The following COX7B2 variants were observed in gnomAD, a reference collection of about 807,000 sequenced individuals.
COX7B2 encodes cytochrome c oxidase subunit 7B2.
For missense variants in COX7B2, 109 were observed against 95.9 expected (o/e 1.14, Z -0.57); for synonymous variants, 37 against 32.1 (o/e 1.15, Z -0.51).
chr4:46,864,792 C>T (rs892279633), intron 1 of COX7B2, among the ~76,000 whole-genome samples: 1 of 151,950 alleles, frequency 6.6e-6, no homozygotes, highest in African/African-American at 2.4e-5. Context: ...CTACAGGCGC[C>T]GGCCACCACG....
intron 1 of COX7B2, among the ~76,000 whole-genome samples, chr4:46,851,244 G>A (rs934657772): frequency 1.3e-5 from 2 of 151,946 alleles, no homozygotes; most frequent in African/African-American, 2.4e-5. Flanking sequence ...AACCAGAAAA[G>A]ATAAAGAAAT....
At chr4:46,830,598 T>C (rs1225718097) in intron 2 of COX7B2, among the ~76,000 whole-genome samples, 2 of 152,206 alleles carry the variant, frequency 1.3e-5, no homozygotes, top group Non-Finnish European at 2.9e-5. Flanking sequence ...AAAATACCTT[T>C]AACAGGAAGT....
chr4:46,874,474 C>T (rs1718195648), intron 1 of COX7B2, among the ~76,000 whole-genome samples: 1 of 152,134 alleles, frequency 6.6e-6, no homozygotes, highest in Non-Finnish European at 1.5e-5. Context: ...AAACAAACAA[C>T]AAGCTGAAAC....
intron 1 of COX7B2, among the ~76,000 whole-genome samples, chr4:46,890,248 G>A (rs546710331): frequency 2.5e-4 from 38 of 152,252 alleles, no homozygotes; most frequent in East Asian, 1.9e-3. Context: ...TTTGGCTTCC[G>A]TTCTAGTAGA....
At chr4:46,763,415 G>A (rs1198031577) in intron 2 of COX7B2, among the ~76,000 whole-genome samples, 1 of 151,258 alleles carries the variant, frequency 6.6e-6, no homozygotes, top group African/African-American at 2.4e-5. Context: ...GTTCCTACCA[G>A]TGGTGATCCA....
chr4:46,855,842 G>T (rs1314372156), intron 1 of COX7B2, among the ~76,000 whole-genome samples: 1 of 152,082 alleles, frequency 6.6e-6, no homozygotes. Context: ...GAGCTTCTCT[G>T]GGTCTTGGGG....
intron 1 of COX7B2, among the ~76,000 whole-genome samples, chr4:46,908,912 C>T (rs1010001108): frequency 4.6e-5 from 7 of 151,816 alleles, no homozygotes; most frequent in African/African-American, 1.2e-4. Context: ...GGCGTGGTGG[C>T]GGGCCCCTGT....
chr4:46,759,005 A>T (rs1388056976), intron 2 of COX7B2, among the ~76,000 whole-genome samples: 1 of 152,118 alleles, frequency 6.6e-6, no homozygotes, highest in Non-Finnish European at 1.5e-5. Flanking sequence ...GTGGAACCAC[A>T]AACTGGCCCT....
intron 2 of COX7B2, among the ~76,000 whole-genome samples, chr4:46,765,230 G>C (rs1475185900): frequency 6.6e-6 from 1 of 152,114 alleles, no homozygotes; most frequent in Non-Finnish European, 1.5e-5. Context: ...AATAAGAAAA[G>C]ACGCACTGAA....
chr4:46,837,304 CA>C (rs1715582690), intron 2 of COX7B2, among the ~76,000 whole-genome samples: 1 of 151,294 alleles, frequency 6.6e-6, no homozygotes, highest in South Asian at 2.1e-4. Context: ...CACACACACA[CA>C]CACACACACA....
intron 2 of COX7B2, among the ~76,000 whole-genome samples, chr4:46,774,564 C>T (rs1717053488): frequency 6.6e-6 from 1 of 151,990 alleles, no homozygotes; most frequent in African/African-American, 2.4e-5. Flanking sequence ...GTGTATTCCC[C>T]CTATTTTCCA....
In COX7B2 at chr4:46,758,963, A is replaced by AG. The variant is rs1391846546; in HGVS notation, c.-49-23723dup. On this transcript the variant is annotated intron_variant, in intron 2 of 2. Transcript: ENST00000355591. Reference sequence around the variant, plus strand: ...TCTCTCAAATCTCAAAACTGCCTAAAGGGGCACTGGTGAAAAATAGTGAAT... The same window carrying AG: ...TCTCTCAAATCTCAAAACTGCCTAAAGGGGGCACTGGTGAAAAATAGTGAAT... 2.6e-5 allele frequency among the ~76,000 whole-genome samples: 4 copies of AG among 152,256 alleles called. No homozygotes were observed. In the East Asian group the frequency reaches 7.7e-4, roughly 29 times the overall value.
In COX7B2 at chr4:46,775,274, G is replaced by A. The variant is rs181902234; in HGVS notation, c.-49-40033C>T. ...TTATAAGGCAGTATTTTGCAAACCAGAGTATCAGGTTTTCTGGAGCCAAAT... is the reference window on the plus strand; with the variant it reads ...TTATAAGGCAGTATTTTGCAAACCAAAGTATCAGGTTTTCTGGAGCCAAAT... On this transcript the variant is annotated intron_variant, in intron 2 of 2. Coordinates refer to ENST00000355591, the MANE Select transcript of COX7B2 (RefSeq NM_130902.3). 2.0e-5 allele frequency among the ~76,000 whole-genome samples: 3 copies of A among 152,132 alleles called. No homozygotes were observed. In the East Asian group the frequency reaches 5.8e-4, roughly 29 times the overall value.
chr4:46,893,024 G>A (rs529359254), intron 1 of COX7B2, among the ~76,000 whole-genome samples: 3 of 152,220 alleles, frequency 2.0e-5, no homozygotes, highest in African/African-American at 4.8e-5. Flanking sequence ...AGTTTCCTGA[G>A]ACCTCCCCAG....
chr4:46,847,087 G>T (rs1716332855), intron 1 of COX7B2, among the ~76,000 whole-genome samples: 1 of 152,046 alleles, frequency 6.6e-6, no homozygotes, highest in African/African-American at 2.4e-5. Flanking sequence ...TGAGATGTAA[G>T]AAGAAATGAG....
At chr4:46,892,053 A>C (rs972349116) in intron 1 of COX7B2, among the ~76,000 whole-genome samples, 2 of 152,194 alleles carry the variant, frequency 1.3e-5, no homozygotes, top group Non-Finnish European at 2.9e-5. Flanking sequence ...TACAACCCAC[A>C]GGTTCCACAG....
intron 2 of COX7B2, among the ~76,000 whole-genome samples, chr4:46,814,729 G>A (rs1256847388): frequency 6.6e-6 from 1 of 152,142 alleles, no homozygotes; most frequent in African/African-American, 2.4e-5. Flanking sequence ...TATCACTGAT[G>A]AGTTGACTGC....
chr4:46,811,930 A>T (rs1719305538), intron 2 of COX7B2, among the ~76,000 whole-genome samples: 1 of 152,114 alleles, frequency 6.6e-6, no homozygotes, highest in Non-Finnish European at 1.5e-5. Flanking sequence ...AGACTGTAGG[A>T]ATTTGTTTCA....
chr4:46,779,689 G>T lies in COX7B2; in HGVS notation c.-49-44448C>A, dbSNP rs141772556. 7.6e-3 allele frequency among the ~76,000 whole-genome samples: 1,148 copies of T among 151,700 alleles called. 11 individuals are homozygous for T. Among genetic ancestry groups the T allele is most frequent in the South Asian group, 0.012 (56 of 4,810 alleles). On this transcript the variant is annotated intron_variant, in intron 2 of 2. Coordinates refer to ENST00000355591, the MANE Select transcript of COX7B2 (RefSeq NM_130902.3). ...TTTCTCCACACCCTCACCAACACTC[G>T]CTATCTCTTGTCTTTTTGATAGCTG... is the stretch of plus-strand genomic sequence containing the variant.
Sources: gnomAD v4.1 joint callset for allele counts (sites outside exome capture counted in the v4.1 genomes callset) on GRCh38, gnomAD v4.1.1 for gene constraint, MANE v1.5 for transcripts, NCBI Gene and HGNC (gene_info 2026-07-23, HGNC 2026-07-21) for gene names.